Variants in SEC14L1 observed in about 807,000 individuals in gnomAD.
The protein encoded by SEC14L1 is SEC14-like protein 1.
A neutral mutation model predicts 85.3 loss-of-function variants in SEC14L1; 48 were observed. The ratio of observed to expected loss-of-function variants is 0.56; its 90% CI spans 0.45 to 0.72. SEC14L1 has a LOEUF of 0.72. SEC14L1 is among the 30% of genes least tolerant of loss of function. SEC14L1 has a pLI of 0.00. For missense variants in SEC14L1, 682 were observed against 921.4 expected, an observed-to-expected ratio of 0.74 and a Z score of 3.36; for synonymous variants, 391 against 355.5, an observed-to-expected ratio of 1.10 and a Z score of -1.12.
At position 77,206,902 on chromosome 17, in the gene SEC14L1, T is replaced by TGCA. The variant is rs1976490227; in HGVS notation, c.1476+42_1476+44dup. ...GAGGAACTGCACATTTGGCCCCTTA[T>TGCA]GCAGGTGGGAGAGGTCGGTGTCGAT... On this transcript the variant is annotated intron_variant, in intron 13 of 16. Transcript: ENST00000436233. The surrounding 1 kb of genome is among the most constrained non-coding windows in gnomAD (Gnocchi z 4.3). 6.8e-7 allele frequency: 1 copy of TGCA among 1,474,272 alleles called. No individual in the cohort carries two copies. Among genetic ancestry groups the TGCA allele is most frequent in the Non-Finnish European group, 9.0e-7 (1 of 1,109,218 alleles). 91.3% of individuals were successfully genotyped at this position (1,474,272 alleles called of 1,614,324 possible).
At chr17:77,109,580 G>A (rs1486149653) in intron 3 of SEC14L1, among the ~76,000 whole-genome samples, 1 of 152,188 alleles carries the variant, frequency 6.6e-6, no homozygotes, top group Admixed American at 6.5e-5. Context: ...TTTGATTTTT[G>A]TCTGGTCTTT....
intron 3 of SEC14L1, among the ~76,000 whole-genome samples, chr17:77,112,604 G>A (rs772067834): frequency 1.5e-4 from 23 of 152,120 alleles, no homozygotes; most frequent in Non-Finnish European, 2.5e-4. Flanking sequence ...GTATTTAGGC[G>A]GCCAGGCGTG....
intron 3 of SEC14L1, among the ~76,000 whole-genome samples, chr17:77,133,722 T>C (rs1466151239): frequency 6.6e-6 from 1 of 151,988 alleles, no homozygotes; most frequent in Non-Finnish European, 1.5e-5. Context: ...GTGGATCACA[T>C]GAGGTCAGGA....
At position 77,214,616 on chromosome 17, in the gene SEC14L1, A is replaced by G. The variant is rs1976947129; in HGVS notation, c.*593A>G. 1 of 986,060 alleles carries G rather than the reference A, an allele frequency of 1.0e-6. No homozygotes were observed. The highest frequency in any genetic ancestry group is 1.7e-5 in the African/African-American group (1 of 57,180). 61.1% of individuals were successfully genotyped at this position (986,060 alleles called of 1,614,324 possible). ...AGGGCCAGACACACCCACACCACCC[A>G]CTGTCCTGCAGTGGGGCCGGGGGCT... On this transcript the variant is annotated 3_prime_UTR_variant, in exon 17 of 17. Transcript: ENST00000436233.
upstream of SEC14L1, among the ~76,000 whole-genome samples, chr17:77,138,995 CCT>C (rs1294942111): frequency 6.6e-6 from 1 of 152,118 alleles, no homozygotes; most frequent in Admixed American, 6.5e-5. Context: ...TGACCATTCC[CCT>C]CTTTTTTTCC....
intron 2 of SEC14L1, among the ~76,000 whole-genome samples, chr17:77,092,542 T>C (rs1461431921): frequency 1.3e-5 from 2 of 152,052 alleles, no homozygotes; most frequent in Non-Finnish European, 1.5e-5. Context: ...AAAGTTGGAA[T>C]ATGTAGGTTG....
chr17:77,163,718 C>T (rs894296422), intron 3 of SEC14L1, among the ~76,000 whole-genome samples: 4 of 152,180 alleles, frequency 2.6e-5, no homozygotes, highest in African/African-American at 7.2e-5. Context: ...AGGAGCGGCT[C>T]GCAGCGGGGC....
At chr17:77,138,591 G>A (rs1416216362), upstream of SEC14L1, among the ~76,000 whole-genome samples, 1 of 152,170 alleles carries the variant, frequency 6.6e-6, no homozygotes, top group African/African-American at 2.4e-5. Context: ...CTGCACTCCA[G>A]CCTGGGCAAC....
chr17:77,096,780 T>C (rs1971658880), intron 3 of SEC14L1, among the ~76,000 whole-genome samples: 1 of 152,168 alleles, frequency 6.6e-6, no homozygotes, highest in Admixed American at 6.6e-5. Context: ...GACCAAAAAG[T>C]TATGTCTGTT....
chr17:77,160,333 C>T (rs1043015145), intron 3 of SEC14L1, among the ~76,000 whole-genome samples: 10 of 152,144 alleles, frequency 6.6e-5, no homozygotes, highest in Admixed American at 5.9e-4. Flanking sequence ...CAAGTCCAGG[C>T]GGATCTGAAG....
chr17:77,202,949 A>C (rs994288907), intron 9 of SEC14L1, among the ~76,000 whole-genome samples: 1 of 151,738 alleles, frequency 6.6e-6, no homozygotes, highest in Non-Finnish European at 1.5e-5. Context: ...AAAAAAAAAA[A>C]AAACAGAGTA....
chr17:77,191,043 A>AGGGAGAGGGCG (rs1567920768), intron 4 of SEC14L1, 91 bp downstream of exon 4: 212 of 1,485,656 alleles, frequency 1.4e-4, no homozygotes, highest in Non-Finnish European at 1.7e-4. Flanking sequence ...GGGAGAGGGC[A>AGGGAGAGGGCG]TCCTGGAGGG....
intron 3 of SEC14L1, among the ~76,000 whole-genome samples, chr17:77,174,361 C>T (rs565355995): frequency 1.5e-4 from 23 of 152,210 alleles, no homozygotes; most frequent in Non-Finnish European, 2.5e-4. Flanking sequence ...TATGATCCCC[C>T]GACAGGCAAG....
chr17:77,141,012 G>A lies in SEC14L1; in HGVS notation c.-231G>A, dbSNP rs1244894309. On this transcript the variant is annotated 5_prime_UTR_variant, in exon 1 of 17. Coordinates refer to ENST00000436233, the MANE Select transcript of SEC14L1 (RefSeq NM_001143998.2). ...TCCCCGGAACCGGCGGTCGAGCTAC[G>A]GTCGCGGAGCAGTGGAACCGAGACT... is the stretch of plus-strand genomic sequence containing the variant. The A allele has an allele frequency of 4.2e-5, 6 of 143,086 alleles. No individual in the cohort carries two copies. The highest frequency in any genetic ancestry group is 7.5e-5 in the Non-Finnish European group (5 of 66,328). The allele number at this position is 143,086 out of a possible 1,614,324, so 8.9% of individuals were successfully genotyped here.
chr17:77,115,255 C>A (rs1370910678), intron 3 of SEC14L1, among the ~76,000 whole-genome samples: 1 of 151,906 alleles, frequency 6.6e-6, no homozygotes, highest in Admixed American at 6.6e-5. Flanking sequence ...ATGGTGAAAC[C>A]CCATCTCTAC....
chr17:77,109,715 T>G (rs186496116), intron 3 of SEC14L1, among the ~76,000 whole-genome samples: 7 of 152,318 alleles, frequency 4.6e-5, no homozygotes, highest in Admixed American at 4.6e-4. Flanking sequence ...TTCTGTAGCT[T>G]TTATTGTTTA....
At chr17:77,180,442 A>G (rs1190194823) in intron 3 of SEC14L1, among the ~76,000 whole-genome samples, 2 of 149,958 alleles carry the variant, frequency 1.3e-5, no homozygotes, top group African/African-American at 4.9e-5. Context: ...TGTTTGAGAT[A>G]AGGTCTGGCT....
intron 3 of SEC14L1, among the ~76,000 whole-genome samples, chr17:77,119,970 G>T (rs1972257574): frequency 2.6e-5 from 4 of 152,174 alleles, no homozygotes; most frequent in South Asian, 2.1e-4. Context: ...GTCTGGATTT[G>T]CCCTAAGAAT....
chr17:77,189,167 G>A (rs1380250141), intron 3 of SEC14L1, among the ~76,000 whole-genome samples: 1 of 152,150 alleles, frequency 6.6e-6, no homozygotes, highest in Non-Finnish European at 1.5e-5. Flanking sequence ...AGAATTCTGT[G>A]AAATAGAATG....
Sources: allele counts gnomAD v4.1 joint callset (sites outside exome capture counted in the v4.1 genomes callset), GRCh38; gene constraint gnomAD v4.1.1; non-coding constraint Gnocchi (gnomAD v3.1); transcripts MANE v1.5; gene names NCBI Gene and HGNC (gene_info 2026-07-23, HGNC 2026-07-21).